Variants in RXRG observed in about 807,000 individuals in gnomAD.
The protein encoded by RXRG is retinoid X receptor gamma.
In RXRG, 19 loss-of-function variants were observed where a neutral mutation model predicts 49.2. The ratio of observed to expected loss-of-function variants is 0.39; its 90% CI spans 0.27 to 0.57. RXRG has a LOEUF of 0.57. Among genes scored for constraint, RXRG ranks in the 20% least tolerant of loss-of-function variants. The pLI is 0.64. For missense variants in RXRG, 452 were observed against 592.5 expected (o/e 0.76, Z 2.46); for synonymous variants, 224 against 216.6 (o/e 1.03, Z -0.30).
chr1:165,401,917 C>A (rs920861211), intron 9 of RXRG, among the ~76,000 whole-genome samples: 1 of 152,200 alleles, frequency 6.6e-6, no homozygotes, highest in Non-Finnish European at 1.5e-5. Context: ...CCAGCCCCCA[C>A]AAAAAATCTT....
At position 165,411,085 on chromosome 1, in the gene RXRG, C is replaced by T. The variant is rs1390801664; in HGVS notation, c.647G>A (p.Ser216Asn). 6.2e-7 allele frequency: 1 copy of T among 1,613,922 alleles called. No homozygotes were observed. The highest frequency in any genetic ancestry group is 1.3e-5 in the African/African-American group (1 of 74,924). The change falls in exon 5 of 10, where the codon AGC (serine) becomes AAC (asparagine). Residue 216 changes from serine (S) to asparagine (N), a missense_variant. Transcript: ENST00000359842. Reference protein sequence around the residue: ...REAVQEERQRSRERAESEAEC... With the variant: ...REAVQEERQRNRERAESEAEC... Reference sequence around the variant, plus strand: ...TGCCTCACTCTCAGCTCGCTCTCGGCTCCTCTGTCTTTCTTCTTGCACAGC... The same window carrying T: ...TGCCTCACTCTCAGCTCGCTCTCGGTTCCTCTGTCTTTCTTCTTGCACAGC...
intron 2 of RXRG, among the ~76,000 whole-genome samples, 174 bp from the exon 3 acceptor site, chr1:165,420,188 G>A (rs1658266110): frequency 2.0e-5 from 3 of 152,186 alleles, no homozygotes; most frequent in African/African-American, 7.2e-5. Flanking sequence ...AGGGATAAAA[G>A]TGCCATAGGA....
Position 165,419,853 on chromosome 1 carries a change from T to C in RXRG, c.442+17A>G, listed in dbSNP as rs200324000. The C allele has an allele frequency of 8.2e-6, 13 of 1,588,604 alleles. No individual in the cohort carries two copies. The highest frequency in any genetic ancestry group is 1.1e-5 in the Non-Finnish European group (13 of 1,165,464). Reference sequence around the variant, plus strand: ...TCTCTGTGGCACTTTTCAGGGAGTGTCTGCTTCTGCATGTACCTGAGGATC... The same window carrying C: ...TCTCTGTGGCACTTTTCAGGGAGTGCCTGCTTCTGCATGTACCTGAGGATC... On this transcript the variant is annotated intron_variant, in intron 3 of 9. Transcript: ENST00000359842.
intron 1 of RXRG, among the ~76,000 whole-genome samples, chr1:165,439,045 T>C (rs1274951554): frequency 2.0e-5 from 3 of 152,266 alleles, no homozygotes; most frequent in African/African-American, 7.2e-5. Flanking sequence ...CTTGTGGTAC[T>C]TGAAACACAA....
At chr1:165,406,425 G>A (rs1204763172) in intron 9 of RXRG, among the ~76,000 whole-genome samples, 5 of 152,248 alleles carry the variant, frequency 3.3e-5, no homozygotes, top group Admixed American at 6.5e-5. Context: ...GAAATCACAC[G>A]AACAGGGTTC....
intron 1 of RXRG, chr1:165,436,913 A>G (rs577100062): frequency 9.0e-7 from 1 of 1,110,186 alleles, no homozygotes; most frequent in Admixed American, 4.5e-5. Flanking sequence ...TTAACAACCA[A>G]ACTTGAAAAG....
chr1:165,414,491 A>G (rs1433218661), intron 4 of RXRG, among the ~76,000 whole-genome samples: 1 of 152,230 alleles, frequency 6.6e-6, no homozygotes, highest in Non-Finnish European at 1.5e-5. Flanking sequence ...CTAGAGAAAT[A>G]GAAATGATGG....
At chr1:165,405,041 G>A (rs1435967673) in intron 9 of RXRG, among the ~76,000 whole-genome samples, 1 of 152,128 alleles carries the variant, frequency 6.6e-6, no homozygotes, top group Admixed American at 6.5e-5. Flanking sequence ...TTACAGACAT[G>A]AGCCACCGCA....
At chr1:165,437,298 C>T (rs1658845982) in intron 1 of RXRG, 2 of 1,138,042 alleles carry the variant, frequency 1.8e-6, no homozygotes, top group Non-Finnish European at 2.4e-6. Flanking sequence ...AGCATGAAGC[C>T]CATTCCCTGC....
In RXRG at chr1:165,409,859, A is replaced by T. The variant is rs74121153; in HGVS notation, c.914-169T>A. On this transcript the variant is annotated intron_variant, in intron 6 of 9. Coordinates refer to ENST00000359842, the MANE Select transcript of RXRG (RefSeq NM_006917.5). ...CAGTTCATTAGCGAAGAAACAAAGG[A>T]TAAGACTGGGGTCTCCTGACTTATG... 3.7e-3 allele frequency among the ~76,000 whole-genome samples: 570 copies of T among 152,220 alleles called. 2 individuals are homozygous for T. Among genetic ancestry groups the T allele is most frequent in the African/African-American group, 0.013 (542 of 41,526 alleles).
chr1:165,410,351 G>A (rs1249503185), intron 6 of RXRG, among the ~76,000 whole-genome samples: 2 of 152,230 alleles, frequency 1.3e-5, no homozygotes, highest in East Asian at 3.8e-4. Flanking sequence ...GTACAAGCTT[G>A]AGCAAACATC....
At chr1:165,435,716 G>C (rs914836476) in intron 1 of RXRG, among the ~76,000 whole-genome samples, 1 of 152,230 alleles carries the variant, frequency 6.6e-6, no homozygotes, top group East Asian at 1.9e-4. Flanking sequence ...GTGGGAGGCA[G>C]GGGACTGGGC....
At chr1:165,405,338 G>T (rs889354823) in intron 9 of RXRG, among the ~76,000 whole-genome samples, 3 of 152,240 alleles carry the variant, frequency 2.0e-5, no homozygotes, top group Non-Finnish European at 4.4e-5. Flanking sequence ...CTGGCAGCCA[G>T]GTCCTGACCC....
chr1:165,403,620 C>T (rs1278904442), intron 9 of RXRG, among the ~76,000 whole-genome samples: 1 of 152,204 alleles, frequency 6.6e-6, no homozygotes, highest in Non-Finnish European at 1.5e-5. Flanking sequence ...TGAGTGGCAT[C>T]ACCATTCAGG....
intron 1 of RXRG, among the ~76,000 whole-genome samples, chr1:165,430,729 T>C (rs1267903266): frequency 2.0e-5 from 3 of 152,270 alleles, no homozygotes; most frequent in Non-Finnish European, 2.9e-5. Flanking sequence ...ATTTATTATG[T>C]GTCCTCAATA....
chr1:165,417,253 T>C (rs1258117834), intron 3 of RXRG, 33 bp from the exon 4 acceptor site: 41 of 1,556,552 alleles, frequency 2.6e-5, no homozygotes, highest in Non-Finnish European at 3.3e-5. Flanking sequence ...CCATAGATTG[T>C]TCTTGTGTTT....
Position 165,428,837 on chromosome 1 carries a change from C to T in RXRG, c.179G>A (p.Gly60Glu). The T allele has an allele frequency of 6.2e-7, 1 of 1,614,114 alleles. No homozygotes were observed. The highest frequency in any genetic ancestry group is 8.5e-7 in the Non-Finnish European group (1 of 1,180,000). ...AGAGCCCAGGGCATTGAGGGGGGTC[C>T]CCACTGCACTCAGAGTCCGTGGGGC... ...VSAPRTLSAV[G>E]TPLNALGSPY... is the part of the protein sequence containing the mutation. Residue 60 changes from glycine (G) to glutamate (E), a missense_variant, in exon 2 of 10, where the codon GGG (glycine) becomes GAG (glutamate). Physicochemically the swap from Gly to Glu is moderately conservative, Grantham distance 98. This residue lies in a region of RXRG where 166 missense variants were observed against 151.7 expected (regional missense o/e 1.09). Transcript: ENST00000359842.
chr1:165,442,057 T>C (rs1223731199), intron 1 of RXRG, among the ~76,000 whole-genome samples: 3 of 152,212 alleles, frequency 2.0e-5, no homozygotes, highest in African/African-American at 7.2e-5. Context: ...GAGATTCTTA[T>C]ACAAATCATG....
chr1:165,439,200 G>A (rs1428773895), intron 1 of RXRG, among the ~76,000 whole-genome samples: 3 of 147,648 alleles, frequency 2.0e-5, no homozygotes, highest in Non-Finnish European at 4.4e-5. Context: ...TGGTAATAAT[G>A]AGGCTGATTA....
Sources: gnomAD v4.1 joint callset for allele counts (sites outside exome capture counted in the v4.1 genomes callset) on GRCh38, gnomAD v4.1.1 for gene constraint, gnomAD v4.1.1 regional missense constraint, MANE v1.5 for transcripts, NCBI Gene and HGNC (gene_info 2026-07-23, HGNC 2026-07-21) for gene names.